Variants in DNAH5 observed in about 807,000 individuals in gnomAD.
DNAH5 encodes axonemal beta dynein heavy chain 5.
Under a neutral mutation model 518.2 loss-of-function variants are expected in DNAH5, and 372 were observed. The ratio of observed to expected loss-of-function variants is 0.72; its 90% confidence interval spans 0.66 to 0.78. The LOEUF is 0.78. Ranked by LOEUF, DNAH5 falls within the 30% of genes least tolerant of loss-of-function variation. DNAH5 has a pLI of 0.00. For synonymous variants in DNAH5, 2,039 were observed against 2,025.9 expected (o/e 1.01, Z -0.17); for missense variants, 5,523 against 5,687.0 (o/e 0.97, Z 0.93).
chr5:13,881,776 T>C (rs748063452), intron 21 of DNAH5, among the ~76,000 whole-genome samples: 2 of 151,330 alleles, frequency 1.3e-5, no homozygotes, highest in Admixed American at 6.6e-5. Flanking sequence ...CTCAAAGAAC[T>C]AGAAAAAGGA....
At chr5:13,697,146 T>C (rs1331656865) in intron 78 of DNAH5, among the ~76,000 whole-genome samples, 2 of 152,232 alleles carry the variant, frequency 1.3e-5, no homozygotes, top group Non-Finnish European at 2.9e-5. Flanking sequence ...TTTTACAATA[T>C]GTTGACTAGA....
At chr5:13,915,253 G>A (rs1157361287) in intron 9 of DNAH5, among the ~76,000 whole-genome samples, 1 of 151,944 alleles carries the variant, frequency 6.6e-6, no homozygotes, top group African/African-American at 2.4e-5. Flanking sequence ...AAGGGGTGGG[G>A]GTATAGGTGA....
At chr5:13,875,465 C>CAA (rs70964513) in intron 22 of DNAH5, among the ~76,000 whole-genome samples, 3,160 of 105,466 alleles carry the variant, frequency 0.03, 169 homozygotes, top group African/African-American at 0.087. Context: ...GAAACTCCTT[C>CAA]AAAAAAAAAA....
intron 53 of DNAH5, among the ~76,000 whole-genome samples, chr5:13,779,233 T>TG (rs1210053082): frequency 6.6e-6 from 1 of 152,216 alleles, no homozygotes; most frequent in East Asian, 1.9e-4. Context: ...TAGCTTGATT[T>TG]CTAACCAAAA....
chr5:13,704,577 C>A (rs2126432095), intron 76 of DNAH5, among the ~76,000 whole-genome samples: 1 of 152,296 alleles, frequency 6.6e-6, no homozygotes. Flanking sequence ...TATTTAGCCG[C>A]CTTAAGAAAT....
At chr5:13,977,115 A>G (rs920347514) in intron 1 of DNAH5, among the ~76,000 whole-genome samples, 27 of 152,220 alleles carry the variant, frequency 1.8e-4, no homozygotes, top group African/African-American at 6.3e-4. Context: ...GTTTCATTAC[A>G]GTGTCACTTC....
At chr5:13,997,847 A>AT (rs570297298) in intron 1 of DNAH5, among the ~76,000 whole-genome samples, 11,436 of 144,334 alleles carry the variant, frequency 0.079, 991 homozygotes, top group African/African-American at 0.21. Context: ...TCACAATTCT[A>AT]TTTTTTTTTT....
chr5:13,985,287 G>A (rs899101559), intron 1 of DNAH5, among the ~76,000 whole-genome samples: 1 of 130,662 alleles, frequency 7.7e-6, no homozygotes, highest in Non-Finnish European at 1.6e-5. Context: ...GTAGGGTGGG[G>A]GGAGGGGGGA....
chr5:13,761,720 G>A (rs1410243066), intron 60 of DNAH5, among the ~76,000 whole-genome samples: 1 of 152,086 alleles, frequency 6.6e-6, no homozygotes, highest in Admixed American at 6.6e-5. Flanking sequence ...GAGCTATGCT[G>A]AAGTCTTCAA....
chr5:13,905,325 C>T (rs1384617868), intron 12 of DNAH5, among the ~76,000 whole-genome samples: 12 of 152,168 alleles, frequency 7.9e-5, no homozygotes, highest in South Asian at 2.1e-4. Context: ...TTAATGTTAT[C>T]GCAGGAGTGG....
At chr5:13,791,224 C>T (rs1756938464) in intron 50 of DNAH5, among the ~76,000 whole-genome samples, 1 of 152,108 alleles carries the variant, frequency 6.6e-6, no homozygotes. Flanking sequence ...TTAACTGTCT[C>T]TGTGTGTTTA....
intron 68 of DNAH5, among the ~76,000 whole-genome samples, chr5:13,731,065 A>G (rs1371242276): frequency 1.3e-5 from 2 of 152,216 alleles, no homozygotes; most frequent in African/African-American, 2.4e-5. Flanking sequence ...TCTTTGTTTG[A>G]ACAGAGTAGG....
chr5:13,781,083 A>G (rs1755055376), intron 52 of DNAH5, 124 bp from the exon 53 acceptor site: 1 of 1,079,630 alleles, frequency 9.3e-7, no homozygotes, highest in East Asian at 2.7e-5. Flanking sequence ...TCAAGATCAG[A>G]CTGGAGACAC....
At chr5:13,722,704 A>G (rs1579913700) in intron 70 of DNAH5, among the ~76,000 whole-genome samples, 1 of 152,362 alleles carries the variant, frequency 6.6e-6, no homozygotes, top group Non-Finnish European at 1.5e-5. Context: ...AGGAGCATTT[A>G]CATTCCCTAA....
upstream of DNAH5, among the ~76,000 whole-genome samples, chr5:13,946,285 T>C (rs1452262045): frequency 6.6e-6 from 1 of 152,162 alleles, no homozygotes; most frequent in Non-Finnish European, 1.5e-5. Flanking sequence ...GCTGATGGCA[T>C]GCATTTTGTG....
chr5:13,898,922 T>A (rs1774235945), intron 15 of DNAH5: 1 of 263,040 alleles, frequency 3.8e-6, no homozygotes, highest in African/African-American at 2.2e-5. Flanking sequence ...GGCTTCCTTT[T>A]TTTGTTGTTT....
intron 30 of DNAH5, among the ~76,000 whole-genome samples, chr5:13,854,705 C>T (rs1767368993): frequency 6.6e-6 from 1 of 152,028 alleles, no homozygotes; most frequent in South Asian, 2.1e-4. Flanking sequence ...AAAGAAAAAG[C>T]AGGGGTTGCA....
Position 13,914,518 on chromosome 5 carries a change from AC to A in DNAH5, c.1320+1del. 1 of 1,612,798 alleles carries A rather than the reference AC, an allele frequency of 6.2e-7. No individual in the cohort carries two copies. Among genetic ancestry groups the A allele is most frequent in the East Asian group, 2.2e-5 (1 of 44,818 alleles). ...ACATCTAAATACTAAACTGACCATT[AC>A]CTGTTTCAGTTTAATCGCAGATAGT... On this transcript the variant is annotated splice_donor_variant, in intron 10 of 78. Coordinates refer to ENST00000265104, the MANE Select transcript of DNAH5 (RefSeq NM_001369.3). LOFTEE classifies it high-confidence loss of function.
chr5:13,849,058 C>CT (rs549881912), intron 31 of DNAH5, among the ~76,000 whole-genome samples: 5 of 152,154 alleles, frequency 3.3e-5, no homozygotes, highest in Non-Finnish European at 7.4e-5. Flanking sequence ...TTTGTTTAGA[C>CT]TTTTTTTTAT....
Sources: gnomAD v4.1 joint callset for allele counts (sites outside exome capture counted in the v4.1 genomes callset) on GRCh38, gnomAD v4.1.1 for gene constraint, MANE v1.5 for transcripts, NCBI Gene and HGNC (gene_info 2026-07-23, HGNC 2026-07-21) for gene names.